The following DOCK2 variants were observed in gnomAD, a reference collection of about 807,000 sequenced individuals.
DOCK2 encodes the protein dedicator of cytokinesis 2.
In DOCK2, 87 loss-of-function variants were observed where a neutral mutation model predicts 248.9. That is an observed-to-expected ratio of 0.35 (90% CI 0.29 to 0.42). The LOEUF is 0.42. Ranked by LOEUF, DOCK2 falls within the 10% of genes least tolerant of loss-of-function variation. The pLI is 1.00. For synonymous variants in DOCK2, 805 were observed against 821.6 expected (o/e 0.98, Z 0.35); for missense variants, 1,747 against 2,300.2 (o/e 0.76, Z 4.92).
Position 169,672,127 on chromosome 5 carries a change from C to T in DOCK2, c.321+953C>T, listed in dbSNP as rs550104010. ...GTTCAAGTGATTATCCTGCCTTGGC[C>T]TCCTGAGTAGCTGGGATTACAGGTG... On this transcript the variant is annotated intron_variant, in intron 5 of 51. Coordinates refer to ENST00000520908, the MANE Select transcript of DOCK2 (RefSeq NM_004946.3). Among the ~76,000 whole-genome samples, 12 of 152,158 alleles carry T rather than the reference C, an allele frequency of 7.9e-5. No homozygotes were observed. The South Asian group carries it at 2.5e-3, about 32-fold the overall frequency.
At chr5:169,651,318 CAGTG>C (rs1242022593) in intron 1 of DOCK2, among the ~76,000 whole-genome samples, 1 of 152,156 alleles carries the variant, frequency 6.6e-6, no homozygotes, top group African/African-American at 2.4e-5. Context: ...TTTTTGTAAT[CAGTG>C]AGTACTTGGA....
intron 27 of DOCK2, among the ~76,000 whole-genome samples, chr5:169,854,609 C>A (rs575726032): frequency 6.6e-6 from 1 of 152,358 alleles, no homozygotes; most frequent in Non-Finnish European, 1.5e-5. Context: ...CAAAATTATG[C>A]AGAAAGTCAG....
At chr5:169,783,722 A>C (rs1417543458) in intron 25 of DOCK2, among the ~76,000 whole-genome samples, 2 of 152,206 alleles carry the variant, frequency 1.3e-5, no homozygotes, top group Non-Finnish European at 2.9e-5. Context: ...TATATACTAT[A>C]ATAATTACGA....
rs1043365557 is a variant in DOCK2, at chr5:169,944,174, C to T, written c.2800-38894C>T. ...ATTGAGGCTCAGGGGCGTGAGCTGC[C>T]ACACCAAAGGCCCTGCCTTTGAGTG... On this transcript the variant is annotated intron_variant, in intron 27 of 51. Coordinates refer to ENST00000520908, the MANE Select transcript of DOCK2 (RefSeq NM_004946.3). Among the ~76,000 whole-genome samples the T allele has an allele frequency of 6.6e-5, 10 of 152,250 alleles. 1 individual carries two copies. The highest frequency in any genetic ancestry group is 2.2e-4 in the African/African-American group (9 of 41,562).
intron 25 of DOCK2, among the ~76,000 whole-genome samples, chr5:169,792,957 G>C (rs1469159775): frequency 6.6e-6 from 1 of 152,212 alleles, no homozygotes; most frequent in Non-Finnish European, 1.5e-5. Context: ...GCCAGCAGCT[G>C]CAGGCAAGTG....
intron 2 of DOCK2, among the ~76,000 whole-genome samples, chr5:169,664,865 A>C (rs913204607): frequency 1.3e-5 from 2 of 152,132 alleles, no homozygotes; most frequent in Admixed American, 1.3e-4. Flanking sequence ...CTTCCATCTG[A>C]TCTCAATCTT....
intron 38 of DOCK2, among the ~76,000 whole-genome samples, chr5:170,042,821 T>G (rs559250230): frequency 6.4e-4 from 97 of 152,360 alleles, no homozygotes; most frequent in Middle Eastern, 3.4e-3. Flanking sequence ...TTTTTACTTG[T>G]TTATTTTCTG....
At chr5:169,761,216 T>G (rs1486584927) in intron 24 of DOCK2, 1 of 231,932 alleles carries the variant, frequency 4.3e-6, no homozygotes, top group Admixed American at 5.4e-5. Context: ...GTATTGTATA[T>G]AGCTTGTAGA....
intron 25 of DOCK2, among the ~76,000 whole-genome samples, chr5:169,786,690 C>CAA (rs1273923883): frequency 6.6e-6 from 1 of 152,132 alleles, no homozygotes; most frequent in Non-Finnish European, 1.5e-5. Context: ...TACTTGACTA[C>CAA]AAGTTCCAGT....
At chr5:169,670,515 T>C in intron 3 of DOCK2, 27 bp from the exon 4 acceptor site, 1 of 1,598,650 alleles carries the variant, frequency 6.3e-7, no homozygotes, top group Non-Finnish European at 8.5e-7. Flanking sequence ...TATTTTATTT[T>C]GTTTTGTTTT....
chr5:169,689,269 G>A lies in DOCK2; in HGVS notation c.779G>A (p.Arg260Gln), dbSNP rs764590955. ...TCCCACAGTGAGAACTACCTAGTGC[G>A]ATGGGGCAGCCGGGGCTTCCCTAAG... ...QTVISENYLV[R>Q]WGSRGFPKEI... Residue 260 changes from arginine to glutamine, a missense_variant, in exon 9 of 52, where the codon CGA (arginine) becomes CAA (glutamine). By Grantham distance (43) the Arg-to-Gln change is conservative (BLOSUM62 1). Around this residue, in one of 4 missense-constraint regions of DOCK2, gnomAD observed 375 missense variants for 510.9 expected, o/e 0.73. Coordinates refer to ENST00000520908, the MANE Select transcript of DOCK2 (RefSeq NM_004946.3). 5 of 1,613,990 alleles carry A rather than the reference G, an allele frequency of 3.1e-6. No individual in the cohort carries two copies. The highest frequency in any genetic ancestry group is 2.2e-5 in the East Asian group (1 of 44,880).
intron 51 of DOCK2, 74 bp from the exon 52 acceptor site, chr5:170,082,722 G>T: frequency 6.3e-7 from 1 of 1,579,836 alleles, no homozygotes; most frequent in South Asian, 1.1e-5. Context: ...TTGTGATTAG[G>T]ACTGGGAAGC....
intron 38 of DOCK2, among the ~76,000 whole-genome samples, chr5:170,042,756 C>G (rs1211019961): frequency 6.6e-6 from 1 of 152,220 alleles, no homozygotes; most frequent in African/African-American, 2.4e-5. Context: ...CCCAGGTTAC[C>G]CTTATGGCTT....
At chr5:170,047,458 T>A in intron 39 of DOCK2, 52 bp from the exon 40 acceptor site, 1 of 1,538,704 alleles carries the variant, frequency 6.5e-7, no homozygotes, top group Admixed American at 1.8e-5. Context: ...TTGAGTTGAA[T>A]GTGCCTTTGA....
intron 25 of DOCK2, among the ~76,000 whole-genome samples, chr5:169,791,736 T>G (rs1473449498): frequency 6.6e-6 from 1 of 152,210 alleles, no homozygotes; most frequent in Non-Finnish European, 1.5e-5. Flanking sequence ...TACATGGAGC[T>G]CCTATTTTCT....
At chr5:169,841,205 G>C (rs1769948072) in intron 27 of DOCK2, among the ~76,000 whole-genome samples, 1 of 152,168 alleles carries the variant, frequency 6.6e-6, no homozygotes, top group East Asian at 1.9e-4. Flanking sequence ...CTGGCCTACA[G>C]TCACATGGTG....
intron 30 of DOCK2, 112 bp downstream of exon 30, chr5:169,996,276 C>A: frequency 9.0e-7 from 1 of 1,107,806 alleles, no homozygotes; most frequent in Non-Finnish European, 1.3e-6. Context: ...GTCCCAGTCT[C>A]TCCAGGGATT....
chr5:169,949,219 C>G (rs116671911), intron 27 of DOCK2, among the ~76,000 whole-genome samples: 4 of 152,174 alleles, frequency 2.6e-5, no homozygotes, highest in Non-Finnish European at 5.9e-5. Context: ...ATTTGCTGCA[C>G]GACTACTATG....
At chr5:169,793,176 T>C (rs1435032359) in intron 25 of DOCK2, among the ~76,000 whole-genome samples, 1 of 152,218 alleles carries the variant, frequency 6.6e-6, no homozygotes, top group Non-Finnish European at 1.5e-5. Flanking sequence ...ATGAATCTAT[T>C]GCTGTCTCAC....
Sources: gnomAD v4.1 joint callset for allele counts (sites outside exome capture counted in the v4.1 genomes callset) on GRCh38, gnomAD v4.1.1 for gene constraint, gnomAD v4.1.1 regional missense constraint, MANE v1.5 for transcripts, NCBI Gene and HGNC (gene_info 2026-07-23, HGNC 2026-07-21) for gene names.